Variants in C3orf70 observed in about 807,000 individuals in gnomAD.
C3orf70 encodes the protein UPF0524 protein C3orf70.
In C3orf70, 15 loss-of-function variants were observed where a neutral mutation model predicts 20.7. That is an observed-to-expected ratio of 0.72 (90% CI 0.48 to 1.11). The LOEUF (loss-of-function observed/expected upper bound fraction) is 1.11, where lower values mean the gene tolerates loss of function less well. C3orf70 is among the 50% of genes most tolerant of loss of function. C3orf70 has a pLI of 0.00. For missense variants in C3orf70, 332 were observed against 317.6 expected (o/e 1.05, Z -0.34); for synonymous variants, 161 against 125.7 (o/e 1.28, Z -1.88).
intron 1 of C3orf70, among the ~76,000 whole-genome samples, chr3:185,147,313 T>G (rs1220053470): frequency 3.3e-5 from 5 of 152,242 alleles, no homozygotes; most frequent in African/African-American, 1.2e-4. Flanking sequence ...CAGCCCCACC[T>G]GTCACCTTCT....
chr3:185,110,415 A>C (rs2108595640), intron 1 of C3orf70, among the ~76,000 whole-genome samples: 1 of 152,354 alleles, frequency 6.6e-6, no homozygotes, highest in East Asian at 1.9e-4. Context: ...TTGTGCTTTT[A>C]ATCTGTGTTG....
intron 1 of C3orf70, among the ~76,000 whole-genome samples, chr3:185,110,750 G>A (rs538441850): frequency 1.3e-5 from 2 of 152,258 alleles, no homozygotes; most frequent in African/African-American, 2.4e-5. Flanking sequence ...TAGCATGAGC[G>A]ATCTGTGCCT....
intron 1 of C3orf70, among the ~76,000 whole-genome samples, chr3:185,104,126 G>C (rs1410144734): frequency 6.6e-6 from 1 of 152,094 alleles, no homozygotes; most frequent in Non-Finnish European, 1.5e-5. Flanking sequence ...ATCCACTCTG[G>C]CTCCCCCCTC....
At chr3:185,131,038 T>C (rs1320711220) in intron 1 of C3orf70, among the ~76,000 whole-genome samples, 1 of 152,242 alleles carries the variant, frequency 6.6e-6, no homozygotes, top group East Asian at 1.9e-4. Context: ...ACTGCCAAAC[T>C]GTTTTCCAAC....
chr3:185,118,596 T>A (rs1393938326), intron 1 of C3orf70, among the ~76,000 whole-genome samples: 2 of 152,138 alleles, frequency 1.3e-5, no homozygotes, highest in Non-Finnish European at 1.5e-5. Context: ...GAAAACATTA[T>A]AAAGATAAAA....
At chr3:185,141,835 C>CA (rs1248623499) in intron 1 of C3orf70, among the ~76,000 whole-genome samples, 4 of 150,232 alleles carry the variant, frequency 2.7e-5, no homozygotes, top group African/African-American at 9.9e-5. Context: ...CACACACACA[C>CA]ATTTCCTAAA....
chr3:185,122,206 C>A (rs1461625442), intron 1 of C3orf70, among the ~76,000 whole-genome samples: 3 of 151,452 alleles, frequency 2.0e-5, no homozygotes, highest in Non-Finnish European at 1.5e-5. Context: ...GATTCCAGAA[C>A]CAGTAATATT....
intron 1 of C3orf70, among the ~76,000 whole-genome samples, chr3:185,088,868 TATTTACGTC>T (rs1002393849): frequency 2.0e-5 from 3 of 152,226 alleles, no homozygotes; most frequent in African/African-American, 7.2e-5. Flanking sequence ...TCAGATTTTC[TATTTACGTC>T]ATTCCTTCTA....
intron 1 of C3orf70, among the ~76,000 whole-genome samples, chr3:185,146,639 C>G (rs1716882102): frequency 6.6e-6 from 1 of 152,090 alleles, no homozygotes; most frequent in Non-Finnish European, 1.5e-5. Flanking sequence ...ACCAAACTAC[C>G]ACTCCTTATT....
intron 1 of C3orf70, among the ~76,000 whole-genome samples, chr3:185,137,686 A>T (rs929507460): frequency 1.3e-5 from 2 of 152,372 alleles, no homozygotes; most frequent in South Asian, 4.1e-4. Flanking sequence ...ATCAAAAGTT[A>T]CATGGAACTG....
At chr3:185,094,088 T>TTG in intron 1 of C3orf70, among the ~76,000 whole-genome samples, 1 of 144,658 alleles carries the variant, frequency 6.9e-6, no homozygotes. Flanking sequence ...TTTTTTTTTT[T>TTG]TTTTTTTTTG....
At chr3:185,086,983 T>C (rs1715470934) in intron 1 of C3orf70, among the ~76,000 whole-genome samples, 1 of 152,198 alleles carries the variant, frequency 6.6e-6, no homozygotes, top group South Asian at 2.1e-4. Context: ...TGATAACTTA[T>C]ATCCCTGGGG....
At chr3:185,088,850 A>G (rs1440553537) in intron 1 of C3orf70, among the ~76,000 whole-genome samples, 1 of 152,190 alleles carries the variant, frequency 6.6e-6, no homozygotes, top group African/African-American at 2.4e-5. Flanking sequence ...ACCACACACC[A>G]TGATTCTTCA....
Position 185,152,706 on chromosome 3 carries a change from C to G in C3orf70, c.118G>C (p.Gly40Arg), listed in dbSNP as rs1359132464. 4 of 1,593,316 alleles carry G rather than the reference C, an allele frequency of 2.5e-6. No individual in the cohort carries two copies. Among genetic ancestry groups the G allele is most frequent in the Non-Finnish European group, 3.4e-6 (4 of 1,170,442 alleles). The change falls in exon 1 of 2, where the codon GGG (glycine) becomes CGG (arginine). Residue 40 changes from glycine (G) to arginine (R), a missense_variant. Coordinates refer to ENST00000335012, the MANE Select transcript of C3orf70 (RefSeq NM_001025266.3). ...ARRPDFQPCD[G>R]LSICATHSHG... ...CTGTGCGTGGCACAGATAGACAGCC[C>G]GTCGCACGGCTGGAAGTCGGGTCTG...
intron 1 of C3orf70, among the ~76,000 whole-genome samples, chr3:185,109,470 G>A (rs896668263): frequency 5.3e-5 from 8 of 152,230 alleles, no homozygotes; most frequent in Non-Finnish European, 7.3e-5. Flanking sequence ...CAGCCATGTC[G>A]AGGCTGATGC....
At chr3:185,148,913 T>A (rs139228025) in intron 1 of C3orf70, among the ~76,000 whole-genome samples, 36 of 152,358 alleles carry the variant, frequency 2.4e-4, no homozygotes, top group African/African-American at 8.4e-4. Flanking sequence ...TTAAGCTTTT[T>A]CTATTTTATA....
At chr3:185,126,809 G>A (rs564603461) in intron 1 of C3orf70, among the ~76,000 whole-genome samples, 3 of 152,216 alleles carry the variant, frequency 2.0e-5, no homozygotes, top group African/African-American at 7.2e-5. Flanking sequence ...CTCTCCAATC[G>A]CACAGTTGTA....
intron 1 of C3orf70, among the ~76,000 whole-genome samples, chr3:185,095,719 A>G (rs1715686334): frequency 6.6e-6 from 1 of 151,460 alleles, no homozygotes; most frequent in Non-Finnish European, 1.5e-5. Flanking sequence ...AAACAAGCCA[A>G]TATAGCATTC....
At chr3:185,093,540 G>A (rs1277581280) in intron 1 of C3orf70, among the ~76,000 whole-genome samples, 1 of 152,118 alleles carries the variant, frequency 6.6e-6, no homozygotes. Context: ...AAAGAGAAGT[G>A]TAGAATGCAT....
Sources: allele counts gnomAD v4.1 joint callset (sites outside exome capture counted in the v4.1 genomes callset), GRCh38; gene constraint gnomAD v4.1.1; transcripts MANE v1.5; gene names NCBI Gene and HGNC (gene_info 2026-07-23, HGNC 2026-07-21).